The following RPL17 variants were observed in gnomAD, a reference collection of about 807,000 sequenced individuals.
RPL17 encodes the protein large ribosomal subunit protein uL22.
RPL17 carries 2 observed loss-of-function variants against 27.7 expected under a neutral mutation model. The observed-to-expected ratio is 0.07, with a 90% CI of 0.03 to 0.23. The LOEUF is 0.23. Ranked by LOEUF, RPL17 falls within the 10% of genes least tolerant of loss-of-function variation. The pLI, the probability that RPL17 is intolerant of heterozygous loss-of-function variation, is 1.00. For missense variants in RPL17, 141 were observed against 238.8 expected, an observed-to-expected ratio of 0.59 and a Z score of 2.70; for synonymous variants, 76 against 75.5, an observed-to-expected ratio of 1.01 and a Z score of -0.03.
Position 49,491,522 on chromosome 18 carries a change from G to C in RPL17, c.40+10C>G. 6.2e-7 allele frequency: 1 copy of C among 1,614,148 alleles called. No homozygotes were observed. Among genetic ancestry groups the C allele is most frequent in the Non-Finnish European group, 8.5e-7 (1 of 1,180,022 alleles). On this transcript the variant is annotated intron_variant, in intron 2 of 6. Transcript: ENST00000580261. ...AGTAGGAAATGGGTATCTACCTCCT[G>C]TCCACTTACATTTCGTGGGGTTCTC...
In RPL17 at chr18:49,489,595, T is replaced by C. The variant is rs756963972; in HGVS notation, c.316-45A>G. 5.7e-6 allele frequency: 9 copies of C among 1,578,742 alleles called. No homozygotes were observed. In the South Asian group the frequency reaches 1.0e-4, roughly 17 times the overall value. Reference sequence around the variant, plus strand: ...GAATGAAACCAGGAACATCCTTAATTAGTAAAACACCACAAACTATCATTG... The same window carrying C: ...GAATGAAACCAGGAACATCCTTAATCAGTAAAACACCACAAACTATCATTG... On this transcript the variant is annotated intron_variant, in intron 5 of 6. Transcript: ENST00000580261.
intron 6 of RPL17, 117 bp from the exon 7 acceptor site, chr18:49,488,683 T>C: frequency 1.5e-6 from 1 of 667,372 alleles, no homozygotes; most frequent in Non-Finnish European, 2.7e-6. Flanking sequence ...GGAAAAATAC[T>C]TAAATGGTAG....
At chr18:49,490,999 A>G in intron 3 of RPL17, 72 bp from the exon 4 acceptor site, 1 of 1,590,408 alleles carries the variant, frequency 6.3e-7, no homozygotes, top group African/African-American at 1.3e-5. Flanking sequence ...TTAAATTTTC[A>G]ATTTTCAGCT....
intron 3 of RPL17, 34 bp from the exon 4 acceptor site, chr18:49,490,961 A>C: frequency 6.2e-7 from 1 of 1,609,684 alleles, no homozygotes; most frequent in East Asian, 2.2e-5. Flanking sequence ...GGTTAACTAG[A>C]TCAAAGCTTT....
At chr18:49,489,312 C>G (rs376671667) in intron 6 of RPL17, 47 bp downstream of exon 6, 17 of 1,605,188 alleles carry the variant, frequency 1.1e-5, no homozygotes, top group Non-Finnish European at 1.4e-5. Context: ...ACAGCAACCA[C>G]AAATCTTTCT....
intron 6 of RPL17, chr18:49,489,039 C>G (rs990143924): frequency 3.7e-6 from 1 of 271,806 alleles, no homozygotes; most frequent in Non-Finnish European, 7.2e-6. Context: ...GCTGGGACTA[C>G]AGATACCCGC....
At chr18:49,490,255 G>C (rs2083958481) in intron 5 of RPL17, 199 bp downstream of exon 5, 3 of 574,066 alleles carry the variant, frequency 5.2e-6, no homozygotes, top group Non-Finnish European at 9.1e-6. Flanking sequence ...CACGCTTCTG[G>C]ATCTTCACAG....
Position 49,491,390 on chromosome 18 carries a change from C to T in RPL17, c.81+15G>A. On this transcript the variant is annotated intron_variant, in intron 3 of 6. Coordinates refer to ENST00000580261, the MANE Select transcript of RPL17 (RefSeq NM_001035006.5). ...AACATGAGGAACTGTTGGATCACAA[C>T]TATGAATCGCATACCTTAAAGTGAA... 2.5e-6 allele frequency: 4 copies of T among 1,614,130 alleles called. No individual in the cohort carries two copies. The highest frequency in any genetic ancestry group is 3.4e-6 in the Non-Finnish European group (4 of 1,180,028).
intron 1 of RPL17, chr18:49,492,014 G>A (rs1004461199): frequency 8.4e-5 from 29 of 345,292 alleles, no homozygotes; most frequent in Non-Finnish European, 1.4e-4. Flanking sequence ...CAACACCTTC[G>A]GGCTATGACC....
intron 1 of RPL17, 196 bp downstream of exon 1, chr18:49,492,262 G>C (rs529509450): frequency 6.5e-6 from 1 of 152,924 alleles, no homozygotes; most frequent in South Asian, 2.0e-4. Flanking sequence ...GCGGACCTCA[G>C]AGGCCGACTG....
At chr18:49,490,072 G>C (rs1021860663) in intron 5 of RPL17, among the ~76,000 whole-genome samples, 3 of 152,142 alleles carry the variant, frequency 2.0e-5, no homozygotes, top group African/African-American at 7.2e-5. Flanking sequence ...CCATTATGAA[G>C]GTAGGCCACA....
chr18:49,491,043 G>T, intron 3 of RPL17, 116 bp from the exon 4 acceptor site: 2 of 1,506,372 alleles, frequency 1.3e-6, no homozygotes, highest in South Asian at 1.2e-5. Flanking sequence ...ATTCTTTGGG[G>T]GCAAGGCAAT....
chr18:49,489,083 A>G (rs912003945), intron 6 of RPL17: 5 of 291,270 alleles, frequency 1.7e-5, no homozygotes, highest in African/African-American at 1.1e-4. Context: ...TTGCATTTTT[A>G]GTAGAGACGG....
chr18:49,490,652 T>C, intron 4 of RPL17, 100 bp from the exon 5 acceptor site: 1 of 1,590,504 alleles, frequency 6.3e-7, no homozygotes, highest in Non-Finnish European at 8.6e-7. Context: ...GGATATGGTT[T>C]ATTTCACCAT....
intron 1 of RPL17, chr18:49,491,963 C>T (rs1243978095): frequency 5.3e-6 from 2 of 373,870 alleles, no homozygotes; most frequent in African/African-American, 2.1e-5. Context: ...TACAGAAACC[C>T]CTTTGCTGTC....
At chr18:49,490,633 G>T (rs552958978) in intron 4 of RPL17, 81 bp from the exon 5 acceptor site, 2 of 1,599,012 alleles carry the variant, frequency 1.3e-6, no homozygotes, top group East Asian at 2.2e-5. Context: ...CTGATATCAC[G>T]GTTTCTTAGG....
intron 6 of RPL17, chr18:49,489,064 A>C (rs563605481): frequency 3.6e-6 from 1 of 280,876 alleles, no homozygotes; most frequent in Non-Finnish European, 6.9e-6. Context: ...ACGCCCAGCT[A>C]ATTTTTTTTT....
At chr18:49,492,328 G>C (rs8087845) in intron 1 of RPL17, 130 bp downstream of exon 1, 7,431 of 152,988 alleles carry the variant, frequency 0.049, 526 homozygotes, top group African/African-American at 0.15. Flanking sequence ...AGAAGCCACC[G>C]CCTCCAGCGA....
At chr18:49,491,641 A>G (rs2084091127) in intron 1 of RPL17, 57 bp from the exon 2 acceptor site, 1 of 1,587,160 alleles carries the variant, frequency 6.3e-7, no homozygotes, top group Admixed American at 1.7e-5. Flanking sequence ...CTCATTCAGT[A>G]TAAATATCAG....
Sources: allele counts gnomAD v4.1 joint callset (sites outside exome capture counted in the v4.1 genomes callset), GRCh38; gene constraint gnomAD v4.1.1; transcripts MANE v1.5; gene names NCBI Gene and HGNC (gene_info 2026-07-23, HGNC 2026-07-21).